CAMSAP3: variants seen among roughly 807,000 people sequenced by gnomAD.
CAMSAP3 encodes the protein calmodulin regulated spectrin associated protein family member 3, also known as calmodulin-regulated spectrin-associated protein 3.
CAMSAP3 carries 34 observed loss-of-function variants against 112.5 expected under a neutral mutation model. The observed-to-expected ratio is 0.30, with a 90% CI of 0.23 to 0.40. CAMSAP3 has a LOEUF of 0.40. Ranked by LOEUF, CAMSAP3 falls within the 10% of genes least tolerant of loss-of-function variation. The pLI, the probability that CAMSAP3 is intolerant of heterozygous loss-of-function variation, is 1.00. For synonymous variants in CAMSAP3, 868 were observed against 799.8 expected (o/e 1.09, Z -1.44); for missense variants, 1,602 against 1,770.3 (o/e 0.90, Z 1.71).
At chr19:7,613,188 A>G (rs2030602964) in intron 11 of CAMSAP3, 25 bp downstream of exon 11, 1 of 794,792 alleles carries the variant, frequency 1.3e-6, no homozygotes, top group African/African-American at 3.5e-5. Context: ...AGGTGGCTGG[A>G]GGGTCCTGGG....
intron 1 of CAMSAP3, 142 bp downstream of exon 1, chr19:7,596,292 CT>C: frequency 7.3e-6 from 2 of 272,846 alleles, no homozygotes; most frequent in Non-Finnish European, 1.1e-5. Flanking sequence ...GCTCGGGCCC[CT>C]GCCGCGCCGG....
In CAMSAP3 at chr19:7,596,019, C is replaced by A; in HGVS notation, c.17C>A (p.Pro6His). 4.3e-6 allele frequency: 5 copies of A among 1,164,156 alleles called. No homozygotes were observed. Among genetic ancestry groups the A allele is most frequent in the Non-Finnish European group, 5.4e-6 (5 of 927,726 alleles). The allele number at this position is 1,164,156 out of a possible 1,614,324, so 72.1% of individuals were successfully genotyped here. The change falls in exon 1 of 17, where the codon CCC becomes CAC. Residue 6 changes from proline (P) to histidine (H), a missense_variant. By Grantham distance (77) the Pro-to-His change is moderately conservative. This residue lies in a region of CAMSAP3 where 147 missense variants were observed against 144.6 expected (regional missense o/e 1.02). Coordinates refer to ENST00000160298, the MANE Select transcript of CAMSAP3 (RefSeq NM_020902.2). The stretch of plus-strand genomic sequence containing the variant: ...GGCGCCGCCATGGTGGAGGCGGCGC[C>A]CCCCGGGCCCGGGCCGCTGCGGAGG... Reference protein sequence around the residue: MVEAAPPGPGPLRRTF... With the variant: MVEAAHPGPGPLRRTF...
intron 11 of CAMSAP3, chr19:7,614,966 C>T: frequency 1.6e-6 from 1 of 612,450 alleles, no homozygotes; most frequent in East Asian, 2.8e-5. Context: ...TTGGGTTAAG[C>T]AGTGTGTGTG....
intron 11 of CAMSAP3, among the ~76,000 whole-genome samples, chr19:7,614,151 T>C (rs1413302871): frequency 6.8e-6 from 1 of 147,970 alleles, no homozygotes; most frequent in Non-Finnish European, 1.5e-5. Context: ...TCCCAGCTAC[T>C]CAGGAGGCTG....
chr19:7,602,386 T>G (rs2030006688), intron 1 of CAMSAP3, among the ~76,000 whole-genome samples: 1 of 152,148 alleles, frequency 6.6e-6, no homozygotes, highest in African/African-American at 2.4e-5. Flanking sequence ...GGTTTTGGTG[T>G]TTTTTGTTTC....
Position 7,618,083 on chromosome 19 carries a change from G to A in CAMSAP3, c.*26G>A. ...CCCCACCCGGGCGGTCCACGGGCCG[G>A]GCCCTGTGTGCTGCGGCCGCCATCC... On this transcript the variant is annotated 3_prime_UTR_variant, in exon 17 of 17. Coordinates refer to ENST00000160298, the MANE Select transcript of CAMSAP3 (RefSeq NM_020902.2). 1 of 1,596,174 alleles carries A rather than the reference G, an allele frequency of 6.3e-7. No homozygotes were observed. The highest frequency in any genetic ancestry group is 8.5e-7 in the Non-Finnish European group (1 of 1,171,426).
intron 11 of CAMSAP3, among the ~76,000 whole-genome samples, chr19:7,614,089 G>A (rs551089141): frequency 4.3e-4 from 65 of 151,750 alleles, no homozygotes; most frequent in African/African-American, 1.3e-3. Context: ...GTGAAACTCC[G>A]TCTCTACTAA....
intron 11 of CAMSAP3, 25 bp downstream of exon 11, chr19:7,613,188 AGGGTCCTGGGCCTGGGGCGGGGGCGGGT>A: frequency 1.3e-6 from 1 of 794,792 alleles, no homozygotes; most frequent in South Asian, 3.6e-5. Flanking sequence ...AGGTGGCTGG[AGGGTCCTGGGCCTGGGGCGGGGGCGGGT>A]GGGGGCGGGG....
chr19:7,611,244 C>A lies in CAMSAP3; in HGVS notation c.1123+76C>A. On this transcript the variant is annotated intron_variant, in intron 9 of 16. Transcript: ENST00000160298. The surrounding 1 kb of genome is among the most constrained non-coding windows in gnomAD (Gnocchi z 6.9). ...ACTGCCCCAGTGGGCCTCATGTTGT[C>A]TCCTCGTGAGCCTTCCAATAGCCTC... 7.0e-7 allele frequency: 1 copy of A among 1,437,532 alleles called. No individual in the cohort carries two copies. The highest frequency in any genetic ancestry group is 9.7e-7 in the Non-Finnish European group (1 of 1,026,082). The allele number at this position is 1,437,532 out of a possible 1,614,324, so 89.0% of individuals were successfully genotyped here. A position where few individuals can be genotyped will look rare whatever the true frequency, so the allele number is the denominator to read the frequency against.
rs1270782128 is a variant in CAMSAP3, at chr19:7,615,890, G to T, written c.3112+171G>T. On this transcript the variant is annotated intron_variant, in intron 13 of 16. Coordinates refer to ENST00000160298, the MANE Select transcript of CAMSAP3 (RefSeq NM_020902.2). The surrounding 1 kb of genome is among the most constrained non-coding windows in gnomAD (Gnocchi z 6.5). ...GGTGGGGTTGGACACTGTCTCTTGG[G>T]TAAAGACTTCCATAGGGGGCCGGGC... 7.9e-5 allele frequency among the ~76,000 whole-genome samples: 12 copies of T among 152,078 alleles called. No homozygotes were observed. The East Asian group carries it at 2.3e-3, about 30-fold the overall frequency.
rs2030478139 is a variant in CAMSAP3, at chr19:7,611,418, G to C, written c.1124-99G>C. On this transcript the variant is annotated intron_variant, in intron 9 of 16. Coordinates refer to ENST00000160298, the MANE Select transcript of CAMSAP3 (RefSeq NM_020902.2). The surrounding 1 kb of genome is among the most constrained non-coding windows in gnomAD (Gnocchi z 6.9). The stretch of plus-strand genomic sequence containing the variant: ...CTAGACCACATAATGAGCCATCAGT[G>C]ACTCACCCAATGACCTTGCAGAGGT... 2.6e-6 allele frequency: 3 copies of C among 1,172,806 alleles called. No homozygotes were observed. The highest frequency in any genetic ancestry group is 3.6e-6 in the Non-Finnish European group (3 of 832,328). 72.6% of individuals were successfully genotyped at this position (1,172,806 alleles called of 1,614,324 possible).
Position 7,615,808 on chromosome 19 carries a change from G to C in CAMSAP3, c.3112+89G>C. On this transcript the variant is annotated intron_variant, in intron 13 of 16. Coordinates refer to ENST00000160298, the MANE Select transcript of CAMSAP3 (RefSeq NM_020902.2). This position sits in a 1 kb window ranked among gnomAD's most constrained non-coding sequence, Gnocchi z 6.5. ...CCATGGGTAAGGGGGGAGGGGGAGG[G>C]AGATGTAAGCAGGGGTGCCGGGAGG... 3 of 400,222 alleles carry C rather than the reference G, an allele frequency of 7.5e-6. No homozygotes were observed. Among genetic ancestry groups the C allele is most frequent in the Non-Finnish European group, 1.1e-5 (3 of 267,800 alleles). 24.8% of individuals were successfully genotyped at this position (400,222 alleles called of 1,614,324 possible).
At chr19:7,616,955 T>TTTTG (rs1568449788) in intron 14 of CAMSAP3, among the ~76,000 whole-genome samples, 4 of 139,816 alleles carry the variant, frequency 2.9e-5, no homozygotes, top group African/African-American at 1.1e-4. Flanking sequence ...TTTTTTTTTT[T>TTTTG]TTTGTTTTTT....
intron 13 of CAMSAP3, 96 bp from the exon 14 acceptor site, chr19:7,616,427 C>T (rs966808984): frequency 4.5e-6 from 4 of 896,754 alleles, no homozygotes; most frequent in Non-Finnish European, 7.4e-6. Flanking sequence ...TTGGGCAGGA[C>T]TGACTCCTCC....
At position 7,605,224 on chromosome 19, in the gene CAMSAP3, A is replaced by G; in HGVS notation, c.149-2A>G. 2 of 1,517,474 alleles carry G rather than the reference A, an allele frequency of 1.3e-6. No homozygotes were observed. The highest frequency in any genetic ancestry group is 1.8e-6 in the Non-Finnish European group (2 of 1,129,346). 94.0% of individuals were successfully genotyped at this position (1,517,474 alleles called of 1,614,324 possible). ...CCGTGTTTCCCCTCTATGCCCCCAC[A>G]GAGCACGTGCCCCCGGAGCTGTGGG... On this transcript the variant is annotated splice_acceptor_variant, in intron 1 of 16. Coordinates refer to ENST00000160298, the MANE Select transcript of CAMSAP3 (RefSeq NM_020902.2). LOFTEE classifies it high-confidence loss of function.
chr19:7,614,970 G>A, intron 11 of CAMSAP3: 2 of 621,722 alleles, frequency 3.2e-6, no homozygotes, highest in Non-Finnish European at 2.9e-6. Flanking sequence ...GTTAAGCAGT[G>A]TGTGTGTGAG....
At position 7,617,352 on chromosome 19, in the gene CAMSAP3, C is replaced by T; in HGVS notation, c.3239C>T (p.Ser1080Phe). The change falls in exon 15 of 17, where the codon TCC becomes TTC. Residue 1080 changes from serine to phenylalanine, a missense_variant. This residue lies in a region of CAMSAP3 where 1,100 missense variants were observed against 1,135.7 expected (regional missense o/e 0.97). Transcript: ENST00000160298. This position sits in a 1 kb window ranked among gnomAD's most constrained non-coding sequence, Gnocchi z 7.5. ...SRAPSPSGLM[S>F]PSRLPGSRER... ...GCTCCCTCCCCGTCAGGTCTCATGT[C>T]CCCAAGCCGCCTGCCTGGAAGCCGC... is the stretch of plus-strand genomic sequence containing the variant. 1 of 1,614,074 alleles carries T rather than the reference C, an allele frequency of 6.2e-7. No individual in the cohort carries two copies. The highest frequency in any genetic ancestry group is 8.5e-7 in the Non-Finnish European group (1 of 1,179,950).
At position 7,617,983 on chromosome 19, in the gene CAMSAP3, T is replaced by G; in HGVS notation, c.3676T>G (p.Phe1226Val). 6.2e-7 allele frequency: 1 copy of G among 1,614,096 alleles called. No individual in the cohort carries two copies. The highest frequency in any genetic ancestry group is 1.1e-5 in the South Asian group (1 of 91,086). Residue 1226 changes from phenylalanine to valine, a missense_variant, in exon 17 of 17, where the codon TTC becomes GTC. This residue lies in a region of CAMSAP3 where 150 missense variants were observed against 207.6 expected (regional missense o/e 0.72). Coordinates refer to ENST00000160298, the MANE Select transcript of CAMSAP3 (RefSeq NM_020902.2). This position sits in a 1 kb window ranked among gnomAD's most constrained non-coding sequence, Gnocchi z 7.5. ...AKTMSMSVDAFTIQGHLWQGK... is the reference protein window; with the variant it reads ...AKTMSMSVDAVTIQGHLWQGK... The stretch of plus-strand genomic sequence containing the variant: ...GACCATGTCCATGAGCGTCGATGCC[T>G]TCACCATCCAGGGACACCTCTGGCA...
rs142334386 is a variant in CAMSAP3 at position 7,611,634 on chromosome 19, G to A, written c.1193+48G>A. The A allele has an allele frequency of 5.6e-4, 885 of 1,590,988 alleles. 5 individuals carry two copies. In the African/African-American group the frequency reaches 0.01, roughly 18 times the overall value. ...GGTAGGGGGTGGAGCAGGCTAGGGCGGGTTGGGGCCGAGGCTGGTCCCAGG... is the reference window on the plus strand; with the variant it reads ...GGTAGGGGGTGGAGCAGGCTAGGGCAGGTTGGGGCCGAGGCTGGTCCCAGG... On this transcript the variant is annotated intron_variant, in intron 10 of 16. Transcript: ENST00000160298. The surrounding 1 kb of genome is among the most constrained non-coding windows in gnomAD (Gnocchi z 6.9).
Sources: allele counts gnomAD v4.1 joint callset (sites outside exome capture counted in the v4.1 genomes callset), GRCh38; gene constraint gnomAD v4.1.1; regional missense constraint gnomAD v4.1.1; non-coding constraint Gnocchi (gnomAD v3.1); transcripts MANE v1.5; gene names NCBI Gene and HGNC (gene_info 2026-07-23, HGNC 2026-07-21).